TBC1D22A: variants seen among roughly 807,000 people sequenced by gnomAD.
The protein encoded by TBC1D22A is putative GTPase activator.
Under a neutral mutation model 60.2 loss-of-function variants are expected in TBC1D22A, and 38 were observed. The observed-to-expected ratio is 0.63, with a 90% CI of 0.49 to 0.83. The LOEUF (loss-of-function observed/expected upper bound fraction) is 0.83, where lower values mean the gene tolerates loss of function less well. Ranked by LOEUF, TBC1D22A falls within the 40% of genes least tolerant of loss-of-function variation. The pLI, the probability that TBC1D22A is intolerant of heterozygous loss-of-function variation, is 0.00. For missense variants in TBC1D22A, 628 were observed against 701.0 expected (o/e 0.90, Z 1.18); for synonymous variants, 302 against 281.7 (o/e 1.07, Z -0.72).
chr22:46,838,624 C>T (rs773007285), intron 4 of TBC1D22A, among the ~76,000 whole-genome samples: 9 of 152,148 alleles, frequency 5.9e-5, no homozygotes, highest in Non-Finnish European at 1.2e-4. Context: ...AAATTACAGG[C>T]CAGTATTCCT....
chr22:46,827,456 C>T (rs962585177), intron 4 of TBC1D22A, among the ~76,000 whole-genome samples: 30 of 152,236 alleles, frequency 2.0e-4, no homozygotes, highest in Non-Finnish European at 3.5e-4. Flanking sequence ...TAAGGCATTT[C>T]AGCCACCCAG....
At chr22:47,001,300 T>C (rs2061400470) in intron 10 of TBC1D22A, among the ~76,000 whole-genome samples, 1 of 5,608 alleles carries the variant, frequency 1.8e-4, no homozygotes, top group South Asian at 8.6e-3. Context: ...TCTTTCTTTC[T>C]TTTTTTTTTT....
chr22:47,079,226 A>G (rs1179136427), intron 11 of TBC1D22A, among the ~76,000 whole-genome samples: 1 of 151,712 alleles, frequency 6.6e-6, no homozygotes, highest in Non-Finnish European at 1.5e-5. Context: ...TACTGGGATT[A>G]CAGTCACCTG....
chr22:46,784,279 AGTGATCC>A (rs1288157078), intron 1 of TBC1D22A, among the ~76,000 whole-genome samples: 9 of 152,058 alleles, frequency 5.9e-5, no homozygotes, highest in Non-Finnish European at 1.3e-4. Context: ...CCTGGTCTCA[AGTGATCC>A]GCCTGCCTGG....
At position 47,146,179 on chromosome 22, in the gene TBC1D22A, G is replaced by A. The variant is rs149354690; in HGVS notation, c.1426-27319G>A. Among the ~76,000 whole-genome samples the A allele has an allele frequency of 4.8e-3, 733 of 152,296 alleles. 2 individuals are homozygous for A. Among genetic ancestry groups the A allele is most frequent in the Non-Finnish European group, 8.4e-3 (572 of 68,032 alleles). The stretch of plus-strand genomic sequence containing the variant: ...GGGGTTGACTGGGGGCCGCGGCGCG[G>A]GGACGCACTGGATTGCTGGCCTGTT... On this transcript the variant is annotated intron_variant, in intron 12 of 12. Transcript: ENST00000337137.
chr22:47,062,506 G>A (rs182519092), intron 11 of TBC1D22A, among the ~76,000 whole-genome samples: 2 of 152,276 alleles, frequency 1.3e-5, no homozygotes, highest in East Asian at 1.9e-4. Flanking sequence ...CCAGAATACG[G>A]TGCATGGTGG....
rs750492932 is a variant in TBC1D22A, at chr22:46,793,779, C to T, written c.398C>T (p.Pro133Leu). 3.1e-6 allele frequency: 5 copies of T among 1,601,902 alleles called. No homozygotes were observed. The highest frequency in any genetic ancestry group is 8.5e-7 in the Non-Finnish European group (1 of 1,174,920). Residue 133 changes from proline to leucine, a missense_variant, in exon 3 of 13, where the codon CCC (proline) becomes CTC (leucine). Coordinates refer to ENST00000337137, the MANE Select transcript of TBC1D22A (RefSeq NM_014346.5). ...KPRPEAEPPS[P>L]PSGDLRLVKS... ...AGGCCCGAGGCAGAGCCGCCCTCAC[C>T]CCCCAGCGGCGACCTCCGGCTGGTG...
At chr22:46,823,927 A>G (rs1046559965) in intron 4 of TBC1D22A, among the ~76,000 whole-genome samples, 5 of 152,218 alleles carry the variant, frequency 3.3e-5, no homozygotes, top group African/African-American at 1.2e-4. Context: ...CAGATGATGC[A>G]GGACCATGGT....
At chr22:47,016,910 G>T (rs1485569109) in intron 10 of TBC1D22A, among the ~76,000 whole-genome samples, 1 of 151,192 alleles carries the variant, frequency 6.6e-6, no homozygotes. Context: ...GGGGCCCGGC[G>T]AGCCTCCCAC....
At chr22:46,955,603 A>G (rs991688025) in intron 8 of TBC1D22A, among the ~76,000 whole-genome samples, 1 of 152,258 alleles carries the variant, frequency 6.6e-6, no homozygotes, top group African/African-American at 2.4e-5. Flanking sequence ...ATAAGCAGAC[A>G]TGTTACAAAG....
intron 8 of TBC1D22A, among the ~76,000 whole-genome samples, chr22:46,912,405 G>T (rs61074215): frequency 0.097 from 14,757 of 152,160 alleles, 1,446 homozygotes; most frequent in African/African-American, 0.25. Flanking sequence ...TTATAATGAT[G>T]AATATCTTCT....
intron 11 of TBC1D22A, among the ~76,000 whole-genome samples, chr22:47,101,963 G>A (rs761980494): frequency 9.9e-5 from 15 of 152,174 alleles, no homozygotes; most frequent in Non-Finnish European, 1.9e-4. Flanking sequence ...CACAATGATG[G>A]TATTTCCTCA....
chr22:47,019,828 A>C (rs1603027074), intron 10 of TBC1D22A, among the ~76,000 whole-genome samples: 4 of 137,298 alleles, frequency 2.9e-5, no homozygotes, highest in African/African-American at 5.6e-5. Context: ...TTCTCCCTTA[A>C]CCCTCCATCC....
chr22:46,824,177 T>C (rs1376649170), intron 4 of TBC1D22A, among the ~76,000 whole-genome samples: 1 of 152,236 alleles, frequency 6.6e-6, no homozygotes, highest in East Asian at 1.9e-4. Context: ...GTGTGTTTCC[T>C]ACTTAGAGCG....
At chr22:47,157,410 G>C (rs1402785677) in intron 12 of TBC1D22A, among the ~76,000 whole-genome samples, 2 of 152,220 alleles carry the variant, frequency 1.3e-5, no homozygotes, top group African/African-American at 4.8e-5. Context: ...TTGGCGGCTT[G>C]GAACTTGTGT....
chr22:47,137,750 C>T (rs1253821514), intron 12 of TBC1D22A, among the ~76,000 whole-genome samples: 5 of 152,144 alleles, frequency 3.3e-5, no homozygotes, highest in Non-Finnish European at 7.3e-5. Context: ...GTGGGAAAAT[C>T]GTCATGAAAA....
intron 4 of TBC1D22A, among the ~76,000 whole-genome samples, chr22:46,869,270 T>C (rs2067199186): frequency 6.6e-6 from 1 of 152,238 alleles, no homozygotes; most frequent in South Asian, 2.1e-4. Context: ...TGTCCCCTTC[T>C]TCAGAGAAGA....
intron 10 of TBC1D22A, among the ~76,000 whole-genome samples, chr22:47,033,897 C>T (rs2062569664): frequency 6.6e-6 from 1 of 152,082 alleles, no homozygotes; most frequent in African/African-American, 2.4e-5. Flanking sequence ...GGCACTCTGA[C>T]TTCATTCTGG....
intron 8 of TBC1D22A, chr22:46,915,788 G>A (rs1028102159): frequency 6.6e-6 from 3 of 456,584 alleles, no homozygotes; most frequent in Non-Finnish European, 1.3e-5. Context: ...ATCCTGGCCT[G>A]CCATATGCTC....
Sources: allele counts gnomAD v4.1 joint callset (sites outside exome capture counted in the v4.1 genomes callset), GRCh38; gene constraint gnomAD v4.1.1; transcripts MANE v1.5; gene names NCBI Gene and HGNC (gene_info 2026-07-23, HGNC 2026-07-21).